LONP2: variants seen among roughly 807,000 people sequenced by gnomAD.
The protein encoded by LONP2 is lon peptidase 2, peroxisomal, also known as lon protease homolog 2, peroxisomal.
In LONP2, 60 loss-of-function variants were observed where a neutral mutation model predicts 85.6. The observed-to-expected ratio is 0.70, with a 90% CI of 0.57 to 0.87. The LOEUF (loss-of-function observed/expected upper bound fraction) is 0.87. Ranked by LOEUF, LONP2 falls within the 40% of genes least tolerant of loss-of-function variation. The pLI, the probability that LONP2 is intolerant of heterozygous loss-of-function variation, is 0.00. For missense variants in LONP2, 860 were observed against 1,063.5 expected (o/e 0.81, Z 2.66); for synonymous variants, 395 against 389.7 (o/e 1.01, Z -0.16).
intron 4 of LONP2, among the ~76,000 whole-genome samples, chr16:48,260,325 A>G (rs967966802): frequency 1.1e-4 from 16 of 152,226 alleles, no homozygotes; most frequent in African/African-American, 3.9e-4. Context: ...GGCTGAATGC[A>G]GTGGCTCATG....
chr16:48,348,664 T>C (rs887967809), intron 14 of LONP2, among the ~76,000 whole-genome samples: 4 of 152,026 alleles, frequency 2.6e-5, no homozygotes, highest in Non-Finnish European at 4.4e-5. Context: ...AGCTAATTTA[T>C]TTTATTTTGC....
chr16:48,360,231 C>A (rs1284700051), downstream of LONP2, among the ~76,000 whole-genome samples: 1 of 152,004 alleles, frequency 6.6e-6, no homozygotes, highest in Non-Finnish European at 1.5e-5. Context: ...CTCTTAGCCA[C>A]TAGGCTATGA....
downstream of LONP2, among the ~76,000 whole-genome samples, chr16:48,360,373 G>C (rs1960536093): frequency 6.7e-6 from 1 of 149,946 alleles, no homozygotes; most frequent in Admixed American, 6.7e-5. Context: ...GACTAATCCA[G>C]AGGCCATATA....
At chr16:48,334,437 G>A (rs919269826) in intron 12 of LONP2, 79 bp downstream of exon 12, 9 of 1,560,188 alleles carry the variant, frequency 5.8e-6, no homozygotes, top group Admixed American at 1.8e-5. Flanking sequence ...CGTAGGGCCT[G>A]GGCAGGAGGC....
At chr16:48,311,936 GCTT>G (rs1220196790) in intron 11 of LONP2, among the ~76,000 whole-genome samples, 2 of 150,890 alleles carry the variant, frequency 1.3e-5, no homozygotes, top group Non-Finnish European at 1.5e-5. Flanking sequence ...GCCCCTGACA[GCTT>G]CTTCTTTTTT....
chr16:48,347,723 C>T lies in LONP2; in HGVS notation c.2146+9C>T, dbSNP rs368535528. On this transcript the variant is annotated intron_variant, in intron 13 of 14. Coordinates refer to ENST00000285737, the MANE Select transcript of LONP2 (RefSeq NM_031490.5). ...GTACCAGCTGACCAATGGTAGGAGC[C>T]TGCACCCGGCCAGGCAGGCGTGACC... The T allele has an allele frequency of 6.2e-6, 10 of 1,609,526 alleles. No homozygotes were observed. The highest frequency in any genetic ancestry group is 7.6e-6 in the Non-Finnish European group (9 of 1,178,412).
In LONP2 at chr16:48,356,716, TG is replaced by T; in HGVS notation, c.*4916del. ...ATAGACAACAGGCAAATATGGTGAG[TG>T]GTCATTGAGATGTTTTAAAAGTTAC... On this transcript the variant is annotated 3_prime_UTR_variant, in exon 15 of 15. Transcript: ENST00000285737. The T allele has an allele frequency of 2.8e-6, 1 of 361,502 alleles. No individual in the cohort carries two copies. The highest frequency in any genetic ancestry group is 3.4e-5 in the Admixed American group (1 of 29,066). The allele number at this position is 361,502 out of a possible 1,614,324, so 22.4% of individuals were successfully genotyped here. A position where few individuals can be genotyped will look rare whatever the true frequency, so the allele number is the denominator to read the frequency against.
At chr16:48,345,572 A>AGATC (rs1959938399) in intron 12 of LONP2, 4 of 152,232 alleles carry the variant, frequency 2.6e-5, no homozygotes, top group Admixed American at 2.6e-4. Flanking sequence ...TCTTACATAT[A>AGATC]GATCGTTTGT....
chr16:48,266,779 T>C (rs920623530), intron 6 of LONP2, among the ~76,000 whole-genome samples: 3 of 152,134 alleles, frequency 2.0e-5, no homozygotes, highest in African/African-American at 7.2e-5. Context: ...TTGGGTTGTT[T>C]TCAGTTTTTT....
At chr16:48,337,524 A>C (rs1184211563) in intron 12 of LONP2, among the ~76,000 whole-genome samples, 1 of 152,200 alleles carries the variant, frequency 6.6e-6, no homozygotes, top group Non-Finnish European at 1.5e-5. Context: ...AGAAGACACA[A>C]CTTATGCCAG....
chr16:48,294,653 C>T (rs1972630039), intron 8 of LONP2, among the ~76,000 whole-genome samples: 1 of 152,218 alleles, frequency 6.6e-6, no homozygotes. Context: ...GTAATCCCAG[C>T]TACTCAGGAG....
At position 48,351,561 on chromosome 16, in the gene LONP2, A is replaced by G. The variant is rs780135606; in HGVS notation, c.2338-20A>G. The G allele has an allele frequency of 1.2e-6, 2 of 1,606,224 alleles. No homozygotes were observed. The highest frequency in any genetic ancestry group is 1.7e-6 in the Non-Finnish European group (2 of 1,175,230). ...TTGAGGGTGATCATTAACCCTAAAAACTTTTTTCTCTCCTTACAGGTGGGT... is the reference window on the plus strand; with the variant it reads ...TTGAGGGTGATCATTAACCCTAAAAGCTTTTTTCTCTCCTTACAGGTGGGT... On this transcript the variant is annotated intron_variant, in intron 14 of 14. Coordinates refer to ENST00000285737, the MANE Select transcript of LONP2 (RefSeq NM_031490.5).
chr16:48,362,346 G>C, downstream of LONP2: 1 of 1,614,190 alleles, frequency 6.2e-7, no homozygotes. The surrounding 1 kb of genome is among the most constrained non-coding windows in gnomAD (Gnocchi z 4.2). Context: ...GGATGCAGTT[G>C]TGCCAGTCAG....
chr16:48,351,754 T>C lies in LONP2; in HGVS notation c.2511T>C (p.Gly837=), dbSNP rs1023149359. 6.2e-7 allele frequency: 1 copy of C among 1,614,202 alleles called. No homozygotes were observed. ...LDEVLNAAFD[G]GFTVKTRPGL... ...AGGTTCTTAATGCAGCTTTTGATGGTGGCTTTACTGTCAAGACCAGACCTG... is the reference window on the plus strand; with the variant it reads ...AGGTTCTTAATGCAGCTTTTGATGGCGGCTTTACTGTCAAGACCAGACCTG... The change falls in exon 15 of 15, where the codon GGT becomes GGC. Residue 837 remains glycine, a synonymous_variant. Coordinates refer to ENST00000285737, the MANE Select transcript of LONP2 (RefSeq NM_031490.5).
intron 9 of LONP2, among the ~76,000 whole-genome samples, chr16:48,298,038 A>C (rs920296703): frequency 6.6e-6 from 1 of 152,192 alleles, no homozygotes; most frequent in Non-Finnish European, 1.5e-5. Flanking sequence ...GTAAAAAGTT[A>C]ATTGTGTGTA....
intron 11 of LONP2, among the ~76,000 whole-genome samples, chr16:48,327,985 G>T (rs1410579699): frequency 6.6e-6 from 1 of 152,142 alleles, no homozygotes; most frequent in Non-Finnish European, 1.5e-5. Flanking sequence ...GAATGAGATT[G>T]TAGAGAGCAC....
intron 11 of LONP2, among the ~76,000 whole-genome samples, chr16:48,308,100 C>T (rs888478705): frequency 6.6e-6 from 1 of 152,100 alleles, no homozygotes; most frequent in Non-Finnish European, 1.5e-5. Context: ...GGAAACAAAG[C>T]TATAGTAACC....
chr16:48,357,752 G>C (rs1960429897), downstream of LONP2, among the ~76,000 whole-genome samples: 1 of 152,198 alleles, frequency 6.6e-6, no homozygotes, highest in Non-Finnish European at 1.5e-5. Context: ...GTTGGAGGCA[G>C]CACACTATTA....
At chr16:48,287,502 A>C (rs1279231683) in intron 8 of LONP2, among the ~76,000 whole-genome samples, 1 of 152,238 alleles carries the variant, frequency 6.6e-6, no homozygotes, top group African/African-American at 2.4e-5. Context: ...GTTCTCACAG[A>C]GTGTTCTCTG....
Sources: gnomAD v4.1 joint callset for allele counts (sites outside exome capture counted in the v4.1 genomes callset) on GRCh38, gnomAD v4.1.1 for gene constraint, Gnocchi (gnomAD v3.1) non-coding constraint, MANE v1.5 for transcripts, NCBI Gene and HGNC (gene_info 2026-07-23, HGNC 2026-07-21) for gene names.